Variants in USP3 observed in about 807,000 individuals in gnomAD.
USP3 encodes ubiquitin specific peptidase 3, also known as ubiquitin carboxyl-terminal hydrolase 3.
A neutral mutation model predicts 72.3 loss-of-function variants in USP3; 20 were observed. That is an observed-to-expected ratio of 0.28 (90% CI 0.19 to 0.40). USP3 has a LOEUF of 0.40. Ranked by LOEUF, USP3 falls within the 10% of genes least tolerant of loss-of-function variation. USP3 has a pLI of 1.00. For missense variants in USP3, 479 were observed against 633.9 expected (o/e 0.76, Z 2.62); for synonymous variants, 222 against 225.3 (o/e 0.99, Z 0.13).
chr15:63,539,263 T>A (rs1158017678), intron 3 of USP3, among the ~76,000 whole-genome samples: 1 of 152,168 alleles, frequency 6.6e-6, no homozygotes, highest in Non-Finnish European at 1.5e-5. Flanking sequence ...CACATTGTCA[T>A]GGGTCACATC....
intron 1 of USP3, among the ~76,000 whole-genome samples, chr15:63,512,419 CTTTT>C (rs2065802746): frequency 7.0e-6 from 1 of 143,882 alleles, no homozygotes; most frequent in Admixed American, 7.1e-5. Context: ...TTTCTTCTTT[CTTTT>C]TCTTTCTTCT....
intron 1 of USP3, among the ~76,000 whole-genome samples, chr15:63,516,754 G>A (rs1306217896): frequency 1.3e-5 from 2 of 150,394 alleles, no homozygotes; most frequent in Non-Finnish European, 3.0e-5. Context: ...TCTGTATTCT[G>A]AAATTTCAAA....
In USP3 at chr15:63,528,346, C is replaced by T. The variant is rs1182309821; in HGVS notation, c.92-4301C>T. ...AAATAAATTGCATGGCTTCCTTTTC[C>T]CTGACATCACCTTGAAGTGTAATTG... On this transcript the variant is annotated intron_variant, in intron 1 of 14. Coordinates refer to ENST00000380324, the MANE Select transcript of USP3 (RefSeq NM_006537.4). This position sits in a 1 kb window ranked among gnomAD's most constrained non-coding sequence, Gnocchi z 4.3. Among the ~76,000 whole-genome samples the T allele has an allele frequency of 1.3e-5, 2 of 152,162 alleles. No homozygotes were observed. The highest frequency in any genetic ancestry group is 2.4e-5 in the African/African-American group (1 of 41,426).
chr15:63,589,523 C>T (rs376861910), intron 14 of USP3, among the ~76,000 whole-genome samples: 31 of 152,158 alleles, frequency 2.0e-4, no homozygotes, highest in Middle Eastern at 3.4e-3. Context: ...ATCCTTTTCC[C>T]GCAGAGCTGT....
chr15:63,524,111 G>T (rs555086032), intron 1 of USP3, among the ~76,000 whole-genome samples: 1 of 152,360 alleles, frequency 6.6e-6, no homozygotes, highest in Non-Finnish European at 1.5e-5. Context: ...GAATTAGGTT[G>T]TCCTGAGATA....
intron 1 of USP3, among the ~76,000 whole-genome samples, chr15:63,516,948 T>G (rs1318778199): frequency 6.6e-6 from 1 of 151,744 alleles, no homozygotes; most frequent in Non-Finnish European, 1.5e-5. Context: ...TCTGGAACTC[T>G]TATTAGTTGG....
chr15:63,594,022 A>G lies in USP3; in HGVS notation c.*3196A>G, dbSNP rs546285239. 1.3e-5 allele frequency: 2 copies of G among 152,412 alleles called. No homozygotes were observed. The highest frequency in any genetic ancestry group is 6.5e-5 in the Admixed American group (1 of 15,308). 9.4% of individuals were successfully genotyped at this position (152,412 alleles called of 1,614,324 possible). ...AGTGTATAGTGATGACAGATGTACT[A>G]GAATTAAACCAGTCAAGTGTACTGG... On this transcript the variant is annotated 3_prime_UTR_variant, in exon 15 of 15. Coordinates refer to ENST00000380324, the MANE Select transcript of USP3 (RefSeq NM_006537.4).
At chr15:63,535,512 C>G (rs921614755) in intron 2 of USP3, among the ~76,000 whole-genome samples, 1 of 152,206 alleles carries the variant, frequency 6.6e-6, no homozygotes, top group African/African-American at 2.4e-5. Context: ...TCCAAGCTCT[C>G]ATGGCCAGGA....
chr15:63,567,816 A>C (rs1424389185), intron 8 of USP3, among the ~76,000 whole-genome samples: 1 of 152,158 alleles, frequency 6.6e-6, no homozygotes, highest in African/African-American at 2.4e-5. Flanking sequence ...TTTGTCTTTA[A>C]GATTTGGGGA....
At chr15:63,579,573 A>AAT (rs2152681068) in intron 11 of USP3, among the ~76,000 whole-genome samples, 1 of 152,328 alleles carries the variant, frequency 6.6e-6, no homozygotes, top group South Asian at 2.1e-4. Flanking sequence ...TTGAGGTTTC[A>AAT]ATATTTAAAT....
chr15:63,542,277 G>T (rs553626421), intron 3 of USP3: 937 of 824,172 alleles, frequency 1.1e-3, no homozygotes, highest in Non-Finnish European at 1.3e-3. Flanking sequence ...CTAGTGTGAA[G>T]AATTAAGTGT....
intron 1 of USP3, among the ~76,000 whole-genome samples, chr15:63,518,366 G>A (rs1185874525): frequency 6.6e-6 from 1 of 152,188 alleles, no homozygotes; most frequent in Non-Finnish European, 1.5e-5. Flanking sequence ...GACTACTGCA[G>A]TTAATGCATT....
intron 1 of USP3, among the ~76,000 whole-genome samples, chr15:63,515,741 A>G (rs1454107794): frequency 6.6e-6 from 1 of 152,216 alleles, no homozygotes; most frequent in African/African-American, 2.4e-5. Flanking sequence ...TCAATTTACC[A>G]TATGAAGATT....
rs986158466 is a variant in USP3, at chr15:63,544,147, A to G, written c.284+6991A>G. ...TTCATCTCTAGCTCATTCTTTAAAA[A>G]TTATTCTTTTTTGTAATATATAATT... On this transcript the variant is annotated intron_variant, in intron 3 of 14. Transcript: ENST00000380324. The surrounding 1 kb of genome is among the most constrained non-coding windows in gnomAD (Gnocchi z 4.2). The G allele has an allele frequency of 6.7e-6, 1 of 149,858 alleles. No individual in the cohort carries two copies. Among genetic ancestry groups the G allele is most frequent in the South Asian group, 2.1e-4 (1 of 4,820 alleles). 9.3% of individuals were successfully genotyped at this position (149,858 alleles called of 1,614,324 possible). A position where few individuals can be genotyped will look rare whatever the true frequency, so the allele number is the denominator to read the frequency against.
rs1185036328 is a variant in USP3, at chr15:63,557,315, T to G, written c.450+567T>G. ...TCTCACTCTGTCACCCAGGCTGGAGTGCAGTGGCACAATCTTGGCCCATTG... is the reference window on the plus strand; with the variant it reads ...TCTCACTCTGTCACCCAGGCTGGAGGGCAGTGGCACAATCTTGGCCCATTG... On this transcript the variant is annotated intron_variant, in intron 5 of 14. Transcript: ENST00000380324. Among the ~76,000 whole-genome samples, 8 of 151,850 alleles carry G rather than the reference T, an allele frequency of 5.3e-5. No individual in the cohort carries two copies. In the East Asian group the frequency reaches 1.5e-3, roughly 29 times the overall value.
At chr15:63,559,576 A>G (rs1383820192) in intron 6 of USP3, among the ~76,000 whole-genome samples, 2 of 152,262 alleles carry the variant, frequency 1.3e-5, no homozygotes, top group Non-Finnish European at 2.9e-5. Context: ...GTGACTACCT[A>G]TAGCTGGAGG....
At chr15:63,583,065 C>T (rs2066992154) in intron 11 of USP3, among the ~76,000 whole-genome samples, 1 of 152,144 alleles carries the variant, frequency 6.6e-6, no homozygotes, top group South Asian at 2.1e-4. Flanking sequence ...CATGCTTCCA[C>T]ACACGGGGAG....
intron 11 of USP3, among the ~76,000 whole-genome samples, chr15:63,576,130 G>T (rs931589770): frequency 2.0e-5 from 3 of 152,028 alleles, no homozygotes; most frequent in African/African-American, 4.8e-5. Context: ...GGGACTACAG[G>T]CGTATGCCAC....
intron 3 of USP3, among the ~76,000 whole-genome samples, chr15:63,546,609 A>AT (rs2066331883): frequency 6.6e-6 from 1 of 151,752 alleles, no homozygotes; most frequent in African/African-American, 2.4e-5. Context: ...ATTTTATTTT[A>AT]TTTTTTGTGA....
Sources: gnomAD v4.1 joint callset for allele counts (sites outside exome capture counted in the v4.1 genomes callset) on GRCh38, gnomAD v4.1.1 for gene constraint, Gnocchi (gnomAD v3.1) non-coding constraint, MANE v1.5 for transcripts, NCBI Gene and HGNC (gene_info 2026-07-23, HGNC 2026-07-21) for gene names.